PCDHA4: variants seen among roughly 807,000 people sequenced by gnomAD.
The protein encoded by PCDHA4 is protocadherin alpha 4.
Under a neutral mutation model 61.4 loss-of-function variants are expected in PCDHA4, and 49 were observed. The ratio of observed to expected loss-of-function variants is 0.80; its 90% CI spans 0.63 to 1.01. The LOEUF (loss-of-function observed/expected upper bound fraction) is 1.01, where lower values mean the gene tolerates loss of function less well. Among genes scored for constraint, PCDHA4 ranks in the 50% least tolerant of loss-of-function variants. The probability of loss-of-function intolerance (pLI) is 0.00; values close to 1 mark genes in which losing one functional copy is unlikely to be tolerated. For missense variants in PCDHA4, 1,254 were observed against 1,235.8 expected (o/e 1.01, Z -0.22); for synonymous variants, 590 against 550.3 (o/e 1.07, Z -1.01).
chr5:140,850,221 G>T (rs2041438830), intron 1 of PCDHA4: 1 of 1,593,734 alleles, frequency 6.3e-7, no homozygotes, highest in Non-Finnish European at 8.6e-7. Context: ...CACTGACGGC[G>T]CAGTGAGCGA....
intron 1 of PCDHA4, chr5:140,927,200 A>C (rs2083965383): frequency 6.2e-7 from 1 of 1,613,898 alleles, no homozygotes; most frequent in Non-Finnish European, 8.5e-7. Context: ...GTGCTCGAGG[A>C]CCCGCTGGAG....
intron 1 of PCDHA4, chr5:140,850,485 A>G: frequency 1.3e-6 from 2 of 1,597,954 alleles, no homozygotes; most frequent in Non-Finnish European, 1.7e-6. Context: ...GGCCACGGCC[A>G]CTGTGCTGGT....
At chr5:140,912,061 C>T (rs1321149990) in intron 1 of PCDHA4, among the ~76,000 whole-genome samples, 2 of 152,162 alleles carry the variant, frequency 1.3e-5, no homozygotes, top group Non-Finnish European at 2.9e-5. Context: ...AACTTGGAGT[C>T]CAATGTTCAA....
At chr5:140,962,854 G>A (rs1396651838) in intron 1 of PCDHA4, among the ~76,000 whole-genome samples, 7 of 152,054 alleles carry the variant, frequency 4.6e-5, no homozygotes, top group African/African-American at 9.7e-5. Flanking sequence ...ACTTGTGCTC[G>A]GTTTGTAGAG....
chr5:140,873,739 C>A (rs571863406), intron 1 of PCDHA4, among the ~76,000 whole-genome samples: 1 of 152,294 alleles, frequency 6.6e-6, no homozygotes, highest in African/African-American at 2.4e-5. Flanking sequence ...CAGCTCACTG[C>A]AATCTCCACC....
rs1437399739 is a variant in PCDHA4, at chr5:140,853,000, TC to T, written c.2385+43431del. 9.7e-6 allele frequency: 3 copies of T among 308,008 alleles called. No homozygotes were observed. The East Asian group carries it at 5.1e-4, about 53-fold the overall frequency. 19.1% of individuals were successfully genotyped at this position (308,008 alleles called of 1,614,324 possible). ...TTCACGCCATTCTCCTGCCTCAGCC[TC>T]CCGAGTAGCTGGGACTACAGGCGCC... On this transcript the variant is annotated intron_variant, in intron 1 of 3. Transcript: ENST00000530339.
intron 1 of PCDHA4, chr5:140,866,748 C>CT (rs2049539198): frequency 6.6e-6 from 1 of 152,148 alleles, no homozygotes; most frequent in Non-Finnish European, 1.5e-5. Context: ...ACTTATATGA[C>CT]TAACAGGACA....
chr5:140,834,172 G>C (rs114972611), intron 1 of PCDHA4: 25 of 551,148 alleles, frequency 4.5e-5, no homozygotes, highest in Non-Finnish European at 5.7e-5. Flanking sequence ...TTACTTACAT[G>C]ATGGCCACAT....
chr5:140,838,330 C>T lies in PCDHA4; in HGVS notation c.2385+28758C>T, dbSNP rs113888727. 2.6e-3 allele frequency among the ~76,000 whole-genome samples: 382 copies of T among 147,588 alleles called. 4 individuals carry two copies. The highest frequency in any genetic ancestry group is 9.4e-3 in the African/African-American group (367 of 39,126). The stretch of plus-strand genomic sequence containing the variant: ...GTAGAAACAGAGTTTCACCATGTTG[C>T]CCCGGCTGGTCTCGAAATCTGGGAC... On this transcript the variant is annotated intron_variant, in intron 1 of 3. Coordinates refer to ENST00000530339, the MANE Select transcript of PCDHA4 (RefSeq NM_018907.4).
At position 140,971,223 on chromosome 5, in the gene PCDHA4, C is replaced by T. The variant is rs904012820; in HGVS notation, c.2386-7726C>T. The stretch of plus-strand genomic sequence containing the variant: ...GACACTGTTACCCTCCCTCTCCTGA[C>T]TCAAAGCTTGGGGCAATTTGATACA... On this transcript the variant is annotated intron_variant, in intron 1 of 3. Transcript: ENST00000530339. Among the ~76,000 whole-genome samples, 3 of 152,148 alleles carry T rather than the reference C, an allele frequency of 2.0e-5. No homozygotes were observed. The South Asian group carries it at 6.2e-4, about 31-fold the overall frequency.
At chr5:140,849,264 A>T (rs2150433927) in intron 1 of PCDHA4, 1 of 1,131,868 alleles carries the variant, frequency 8.8e-7, no homozygotes, top group East Asian at 2.6e-5. Context: ...AAACGTTTCT[A>T]TCGGAACGCT....
At chr5:140,832,047 A>G (rs1581927346) in intron 1 of PCDHA4, among the ~76,000 whole-genome samples, 1 of 152,250 alleles carries the variant, frequency 6.6e-6, no homozygotes, top group Non-Finnish European at 1.5e-5. Flanking sequence ...TAGTGAGGCC[A>G]TAATTACCAA....
chr5:140,872,442 C>T (rs1443444144), intron 1 of PCDHA4, among the ~76,000 whole-genome samples: 1 of 152,070 alleles, frequency 6.6e-6, no homozygotes, highest in Non-Finnish European at 1.5e-5. Context: ...GCCTGGACAA[C>T]ATAGCGAGAT....
intron 1 of PCDHA4, chr5:140,968,070 A>T: frequency 6.2e-7 from 1 of 1,614,152 alleles, no homozygotes; most frequent in Non-Finnish European, 8.5e-7. Context: ...GTGGCTGTCT[A>T]CAACATCACG....
At chr5:140,908,727 G>A (rs1388044565) in intron 1 of PCDHA4, among the ~76,000 whole-genome samples, 1 of 152,136 alleles carries the variant, frequency 6.6e-6, no homozygotes, top group Non-Finnish European at 1.5e-5. Context: ...GGGTCATATG[G>A]CTCGAGAAAC....
At chr5:140,871,265 G>A (rs2052892595) in intron 1 of PCDHA4, 8 of 1,613,978 alleles carry the variant, frequency 5.0e-6, no homozygotes, top group Non-Finnish European at 6.8e-6. Flanking sequence ...ACGGCGCTGT[G>A]GTGGTCGGCA....
At position 140,827,965 on chromosome 5, in the gene PCDHA4, T is replaced by C. The variant is rs2150149938; in HGVS notation, c.2385+18393T>C. ...CCAACATTCAAATTTCTTCTATTAC[T>C]GCATCATTCCCTGACTGTTGAATGA... On this transcript the variant is annotated intron_variant, in intron 1 of 3. Coordinates refer to ENST00000530339, the MANE Select transcript of PCDHA4 (RefSeq NM_018907.4). 6.1e-4 allele frequency: 813 copies of C among 1,335,936 alleles called. 3 individuals carry two copies. The highest frequency in any genetic ancestry group is 2.5e-3 in the South Asian group (173 of 69,782). 82.8% of individuals were successfully genotyped at this position (1,335,936 alleles called of 1,614,324 possible).
intron 3 of PCDHA4, among the ~76,000 whole-genome samples, chr5:141,007,707 C>T (rs1027610738): frequency 6.6e-6 from 1 of 152,172 alleles, no homozygotes; most frequent in Non-Finnish European, 1.5e-5. Context: ...CCTCTGCCTC[C>T]CACCACCAGG....
At chr5:140,884,169 C>CG (rs2153400955) in intron 1 of PCDHA4, 1 of 1,613,426 alleles carries the variant, frequency 6.2e-7, no homozygotes, top group East Asian at 2.2e-5. Context: ...ATCAGCACGA[C>CG]GCGCCCTCTG....
Sources: allele counts gnomAD v4.1 joint callset (sites outside exome capture counted in the v4.1 genomes callset), GRCh38; gene constraint gnomAD v4.1.1; transcripts MANE v1.5; gene names NCBI Gene and HGNC (gene_info 2026-07-23, HGNC 2026-07-21).